NALF1: variants seen among roughly 807,000 people sequenced by gnomAD.
NALF1 encodes family with sequence similarity 155 member A.
NALF1 carries 3 observed loss-of-function variants against 48.4 expected under a neutral mutation model. That is an observed-to-expected ratio of 0.06 (90% confidence interval 0.03 to 0.16). The LOEUF is 0.16. Among genes scored for constraint, NALF1 ranks in the 10% least tolerant of loss-of-function variants. The pLI is 1.00. For missense variants in NALF1, 526 were observed against 571.5 expected, an observed-to-expected ratio of 0.92 and a Z score of 0.81; for synonymous variants, 262 against 245.7, an observed-to-expected ratio of 1.07 and a Z score of -0.62.
At chr13:107,747,668 C>G (rs1416515581) in intron 1 of NALF1, among the ~76,000 whole-genome samples, 3 of 152,098 alleles carry the variant, frequency 2.0e-5, no homozygotes, top group Non-Finnish European at 4.4e-5. Context: ...ATATAGATAA[C>G]TAAATTATGT....
At chr13:107,707,165 G>A (rs957872345) in intron 1 of NALF1, among the ~76,000 whole-genome samples, 18 of 151,652 alleles carry the variant, frequency 1.2e-4, no homozygotes, top group African/African-American at 3.1e-4. Context: ...CTCGTGATCC[G>A]CCCGCCTCGG....
At chr13:107,803,574 T>G (rs1878685397) in intron 1 of NALF1, among the ~76,000 whole-genome samples, 1 of 152,132 alleles carries the variant, frequency 6.6e-6, no homozygotes, top group Non-Finnish European at 1.5e-5. Flanking sequence ...TGTACAGAAT[T>G]GTATCATGTT....
chr13:107,743,449 T>C (rs370022609), intron 1 of NALF1, among the ~76,000 whole-genome samples: 21 of 152,158 alleles, frequency 1.4e-4, no homozygotes, highest in African/African-American at 4.8e-4. Context: ...AGAATACTGT[T>C]GAAGGTAATA....
chr13:107,464,520 T>A (rs1315910579), intron 1 of NALF1, among the ~76,000 whole-genome samples: 2 of 152,126 alleles, frequency 1.3e-5, no homozygotes, highest in African/African-American at 4.8e-5. Flanking sequence ...ATACAAATTT[T>A]TTTTTTAATT....
At chr13:107,827,292 C>T (rs1879549165) in intron 1 of NALF1, among the ~76,000 whole-genome samples, 1 of 152,200 alleles carries the variant, frequency 6.6e-6, no homozygotes, top group Admixed American at 6.5e-5. Context: ...ACTAAACTTG[C>T]AGATTTACTT....
Position 107,865,825 on chromosome 13 carries a change from T to A in NALF1, c.772A>T (p.Met258Leu). The A allele has an allele frequency of 1.2e-6, 2 of 1,614,124 alleles. No individual in the cohort carries two copies. The highest frequency in any genetic ancestry group is 1.7e-6 in the Non-Finnish European group (2 of 1,180,028). Reference protein sequence around the residue: ...LDVVLKEGGEMTTCRQCVEAY... With the variant: ...LDVVLKEGGELTTCRQCVEAY... ...TCGACGCACTGCCTGCAAGTGGTCA[T>A]CTCGCCGCCTTCCTTGAGCACCACA... The change falls in exon 1 of 3, where the codon ATG becomes TTG. Residue 258 changes from methionine to leucine, a missense_variant. By Grantham distance (15) the Met-to-Leu change is conservative. Coordinates refer to ENST00000375915, the MANE Select transcript of NALF1 (RefSeq NM_001080396.3).
At chr13:107,523,275 T>C (rs1876307080) in intron 1 of NALF1, among the ~76,000 whole-genome samples, 1 of 152,206 alleles carries the variant, frequency 6.6e-6, no homozygotes, top group African/African-American at 2.4e-5. Flanking sequence ...ATATGCACTG[T>C]CATTCTCCAG....
intron 1 of NALF1, among the ~76,000 whole-genome samples, chr13:107,480,858 C>T (rs1032878134): frequency 3.9e-5 from 6 of 151,966 alleles, no homozygotes; most frequent in South Asian, 4.1e-4. Context: ...AATAGTATTT[C>T]GACTAAATCT....
intron 1 of NALF1, among the ~76,000 whole-genome samples, chr13:107,225,594 T>C (rs1218569772): frequency 1.3e-5 from 2 of 152,060 alleles, no homozygotes; most frequent in African/African-American, 2.4e-5. Flanking sequence ...ACATTTAAAC[T>C]TAAATTTCAA....
chr13:107,186,087 A>T (rs1052295005), intron 2 of NALF1, among the ~76,000 whole-genome samples: 1 of 152,198 alleles, frequency 6.6e-6, no homozygotes, highest in African/African-American at 2.4e-5. Flanking sequence ...CAGCATGTCC[A>T]CACTGTATAT....
At chr13:107,553,872 T>A (rs968333263) in intron 1 of NALF1, among the ~76,000 whole-genome samples, 5 of 151,762 alleles carry the variant, frequency 3.3e-5, no homozygotes, top group Non-Finnish European at 5.9e-5. Context: ...TTAGTACTTA[T>A]CCTATCCCCA....
chr13:107,613,860 C>T (rs117363995), intron 1 of NALF1, among the ~76,000 whole-genome samples: 1 of 152,306 alleles, frequency 6.6e-6, no homozygotes, highest in East Asian at 1.9e-4. Flanking sequence ...AACAAGAAAT[C>T]TACACTCATG....
rs59887796 is a variant in NALF1 at position 107,392,697 on chromosome 13, G to A, written c.916-181942C>T. Among the ~76,000 whole-genome samples the A allele has an allele frequency of 1.6e-4, 25 of 152,206 alleles. No individual in the cohort carries two copies. The East Asian group carries it at 2.5e-3, about 15-fold the overall frequency. On this transcript the variant is annotated intron_variant, in intron 1 of 2. Coordinates refer to ENST00000375915, the MANE Select transcript of NALF1 (RefSeq NM_001080396.3). ...TCCAAGCATGTGTGTGTGTGTGCGC[G>A]TGCATGCATGTGTGTGTAATCTCAA...
At chr13:107,510,880 T>A (rs937089927) in intron 1 of NALF1, among the ~76,000 whole-genome samples, 1 of 152,158 alleles carries the variant, frequency 6.6e-6, no homozygotes, top group African/African-American at 2.4e-5. Context: ...ATTACAGCTT[T>A]AGTTTCACTC....
At chr13:107,453,640 A>G (rs57745270) in intron 1 of NALF1, among the ~76,000 whole-genome samples, 10,219 of 152,234 alleles carry the variant, frequency 0.067, 829 homozygotes, top group African/African-American at 0.19. Flanking sequence ...CATTGTCTTG[A>G]TATTTAACAT....
chr13:107,560,341 T>G lies in NALF1; in HGVS notation c.915+305341A>C, dbSNP rs532442498. 1.8e-4 allele frequency among the ~76,000 whole-genome samples: 28 copies of G among 152,072 alleles called. 1 individual carries two copies. The highest frequency in any genetic ancestry group is 6.5e-4 in the African/African-American group (27 of 41,490). ...AATGTTTGGAATCCAGAGAGAAAAA[T>G]GATAAACCACTGAATTGAATAAAAT... On this transcript the variant is annotated intron_variant, in intron 1 of 2. Coordinates refer to ENST00000375915, the MANE Select transcript of NALF1 (RefSeq NM_001080396.3).
At chr13:107,306,415 T>C (rs573363689) in intron 1 of NALF1, among the ~76,000 whole-genome samples, 8 of 152,240 alleles carry the variant, frequency 5.3e-5, no homozygotes, top group Non-Finnish European at 1.2e-4. Flanking sequence ...TGGCAACAAT[T>C]TTGTTATTAT....
At chr13:107,659,294 C>T (rs1033776276) in intron 1 of NALF1, among the ~76,000 whole-genome samples, 2 of 152,138 alleles carry the variant, frequency 1.3e-5, no homozygotes, top group Admixed American at 6.6e-5. Flanking sequence ...TTATAATTTG[C>T]ATGTAATCTA....
intron 1 of NALF1, among the ~76,000 whole-genome samples, chr13:107,426,281 T>C (rs1011897163): frequency 2.6e-5 from 4 of 152,206 alleles, no homozygotes; most frequent in African/African-American, 9.6e-5. Flanking sequence ...GGTGAGGTTG[T>C]AGAATGAGGT....
Sources: allele counts gnomAD v4.1 joint callset (sites outside exome capture counted in the v4.1 genomes callset), GRCh38; gene constraint gnomAD v4.1.1; transcripts MANE v1.5; gene names NCBI Gene and HGNC (gene_info 2026-07-23, HGNC 2026-07-21).